NIBAN1: variants seen among roughly 807,000 people sequenced by gnomAD.
NIBAN1 encodes niban apoptosis regulator 1.
In NIBAN1, 81 loss-of-function variants were observed where a neutral mutation model predicts 75.1. That is an observed-to-expected ratio of 1.08 (90% CI 0.90 to 1.30). The LOEUF is 1.30. Ranked by LOEUF, NIBAN1 falls within the 50% of genes most tolerant of loss-of-function variation. The probability of loss-of-function intolerance (pLI) is 0.00; values close to 1 mark genes in which losing one functional copy is unlikely to be tolerated. For missense variants in NIBAN1, 1,133 were observed against 1,128.1 expected (o/e 1.00, Z -0.06); for synonymous variants, 436 against 424.8 (o/e 1.03, Z -0.32).
intron 6 of NIBAN1, among the ~76,000 whole-genome samples, chr1:184,824,819 C>G (rs769969614): frequency 6.6e-6 from 1 of 152,060 alleles, no homozygotes; most frequent in Non-Finnish European, 1.5e-5. Context: ...TAGAATGTCT[C>G]CGAAGCTGGA....
At chr1:184,868,580 A>G (rs1207426149) in intron 5 of NIBAN1, 1 of 152,234 alleles carries the variant, frequency 6.6e-6, no homozygotes, top group Non-Finnish European at 1.5e-5. Context: ...CAGAGAAAAG[A>G]CTTAACTTCT....
chr1:184,952,482 G>A (rs914059826), intron 1 of NIBAN1, among the ~76,000 whole-genome samples: 8 of 152,214 alleles, frequency 5.3e-5, no homozygotes, highest in Non-Finnish European at 1.2e-4. Context: ...TCCAGTCTTT[G>A]GGATTCCCCG....
At chr1:184,970,243 G>C (rs1658901934) in intron 1 of NIBAN1, among the ~76,000 whole-genome samples, 1 of 151,414 alleles carries the variant, frequency 6.6e-6, no homozygotes, top group African/African-American at 2.4e-5. Context: ...CTACCATAAT[G>C]CATTTCCTAA....
intron 1 of NIBAN1, among the ~76,000 whole-genome samples, chr1:184,916,305 TG>T (rs539763621): frequency 7.4e-4 from 112 of 152,296 alleles, no homozygotes; most frequent in African/African-American, 2.6e-3. Context: ...AAAAGAAAGT[TG>T]TAATAGGTAA....
intron 1 of NIBAN1, among the ~76,000 whole-genome samples, chr1:184,917,491 G>A (rs1314159210): frequency 6.6e-6 from 1 of 150,832 alleles, no homozygotes; most frequent in African/African-American, 2.4e-5. Flanking sequence ...TTACAGGCGT[G>A]AGCCACCCTG....
intron 1 of NIBAN1, among the ~76,000 whole-genome samples, chr1:184,900,029 T>C (rs1213083452): frequency 6.6e-6 from 1 of 152,082 alleles, no homozygotes; most frequent in East Asian, 1.9e-4. Context: ...TTGGTCAGGC[T>C]GGTCTCGAAC....
chr1:184,894,047 A>C, intron 3 of NIBAN1, 28 bp downstream of exon 3: 1 of 1,580,554 alleles, frequency 6.3e-7, no homozygotes, highest in South Asian at 1.2e-5. Context: ...ACAGTGTAAG[A>C]ATCAGTAGTA....
chr1:184,926,686 G>C (rs1375909323), intron 1 of NIBAN1, among the ~76,000 whole-genome samples: 1 of 152,062 alleles, frequency 6.6e-6, no homozygotes, highest in Non-Finnish European at 1.5e-5. Context: ...TAACCTTCTT[G>C]TACTTGAATA....
At position 184,791,201 on chromosome 1, in the gene NIBAN1, C is replaced by T. The variant is rs1047973; in HGVS notation, c.*3776G>A. ...AGAAGGCAAACCCTCAAACCCGTCT[C>T]TTTATGGTAAAGTGTGAAGGCACAT... is the stretch of plus-strand genomic sequence containing the variant. On this transcript the variant is annotated 3_prime_UTR_variant, in exon 14 of 14. Coordinates refer to ENST00000367511, the MANE Select transcript of NIBAN1 (RefSeq NM_052966.4). 1 of 362,934 alleles carries T rather than the reference C, an allele frequency of 2.8e-6. No individual in the cohort carries two copies. Among genetic ancestry groups the T allele is most frequent in the Admixed American group, 3.6e-5 (1 of 27,732 alleles). The allele number at this position is 362,934 out of a possible 1,614,324, so 22.5% of individuals were successfully genotyped here.
At position 184,798,240 on chromosome 1, in the gene NIBAN1, G is replaced by A. The variant is rs755296466; in HGVS notation, c.1555-50C>T. On this transcript the variant is annotated intron_variant, in intron 12 of 13. Coordinates refer to ENST00000367511, the MANE Select transcript of NIBAN1 (RefSeq NM_052966.4). ...AAAGATGAAAAGGCATGAGATGCCT[G>A]TTCTTAGAGGAGATACAGAAAGGAC... 20 of 1,134,536 alleles carry A rather than the reference G, an allele frequency of 1.8e-5. No homozygotes were observed. The Admixed American group carries it at 3.3e-4, about 19-fold the overall frequency. The allele number at this position is 1,134,536 out of a possible 1,614,324, so 70.3% of individuals were successfully genotyped here. A position where few individuals can be genotyped will look rare whatever the true frequency, so the allele number is the denominator to read the frequency against.
intron 1 of NIBAN1, among the ~76,000 whole-genome samples, chr1:184,934,267 T>C (rs1299569688): frequency 1.3e-5 from 2 of 151,968 alleles, no homozygotes; most frequent in Admixed American, 6.6e-5. Context: ...GAAGTAAACA[T>C]TGAGTACTCA....
In NIBAN1 at chr1:184,974,475, G is replaced by C; in HGVS notation, c.-119C>G. 7.4e-7 allele frequency: 1 copy of C among 1,347,384 alleles called. No homozygotes were observed. The highest frequency in any genetic ancestry group is 1.0e-6 in the Non-Finnish European group (1 of 998,560). 83.5% of individuals were successfully genotyped at this position (1,347,384 alleles called of 1,614,324 possible). ...AATTAAGAGCAAACTTCCTTCGAGA[G>C]GCGAGAGACAGGAGGCAAGAGGCGT... On this transcript the variant is annotated 5_prime_UTR_variant, in exon 1 of 14. Coordinates refer to ENST00000367511, the MANE Select transcript of NIBAN1 (RefSeq NM_052966.4).
At chr1:184,801,069 C>G (rs1654027560) in intron 12 of NIBAN1, among the ~76,000 whole-genome samples, 2 of 152,164 alleles carry the variant, frequency 1.3e-5, no homozygotes, top group African/African-American at 4.8e-5. Context: ...CCATGATTAA[C>G]TCAGTAATCC....
At chr1:184,816,711 G>T (rs1284497188) in intron 9 of NIBAN1, among the ~76,000 whole-genome samples, 1 of 152,028 alleles carries the variant, frequency 6.6e-6, no homozygotes, top group Non-Finnish European at 1.5e-5. Context: ...TCTCTACTCA[G>T]TCCTTATTCC....
At chr1:184,818,166 C>T (rs952868625) in intron 9 of NIBAN1, among the ~76,000 whole-genome samples, 2 of 151,648 alleles carry the variant, frequency 1.3e-5, no homozygotes, top group African/African-American at 4.9e-5. Context: ...TATCATAAGT[C>T]TATATTTTTG....
intron 9 of NIBAN1, among the ~76,000 whole-genome samples, chr1:184,815,292 A>G (rs1654495692): frequency 1.3e-5 from 2 of 152,184 alleles, no homozygotes; most frequent in African/African-American, 2.4e-5. Flanking sequence ...TTCATAATCT[A>G]GAACCTGAAG....
At chr1:184,934,899 T>A (rs958755243) in intron 1 of NIBAN1, among the ~76,000 whole-genome samples, 11 of 148,070 alleles carry the variant, frequency 7.4e-5, no homozygotes, top group Non-Finnish European at 1.0e-4. Context: ...TCTCAAAAAA[T>A]AAATAAATAA....
Position 184,828,021 on chromosome 1 carries a change from C to T in NIBAN1, c.717+3826G>A, listed in dbSNP as rs117848570. On this transcript the variant is annotated intron_variant, in intron 6 of 13. Coordinates refer to ENST00000367511, the MANE Select transcript of NIBAN1 (RefSeq NM_052966.4). ...TGGGAATTATGAGCTGTTCTCTAGCCCATCTTGGTATTTTAAAAGCAAATA... is the reference window on the plus strand; with the variant it reads ...TGGGAATTATGAGCTGTTCTCTAGCTCATCTTGGTATTTTAAAAGCAAATA... Among the ~76,000 whole-genome samples the T allele has an allele frequency of 2.0e-3, 304 of 150,224 alleles. 8 individuals carry two copies. The East Asian group carries it at 0.055, about 27-fold the overall frequency.
In NIBAN1 at chr1:184,823,713, G is replaced by A; in HGVS notation, c.747C>T (p.Leu249=). 1 of 1,614,098 alleles carries A rather than the reference G, an allele frequency of 6.2e-7. No individual in the cohort carries two copies. The highest frequency in any genetic ancestry group is 8.5e-7 in the Non-Finnish European group (1 of 1,179,982). The change falls in exon 7 of 14, where the codon CTC becomes CTT. Residue 249 remains leucine (L), a synonymous_variant. Transcript: ENST00000367511. ...QILSNLVMEE[L]LPTLQTDLLP... ...GCAGGTCTGTCTGAAGAGTGGGCAG[G>A]AGCTCCTCCATCACCAGGTTACTCA...
Sources: gnomAD v4.1 joint callset for allele counts (sites outside exome capture counted in the v4.1 genomes callset) on GRCh38, gnomAD v4.1.1 for gene constraint, MANE v1.5 for transcripts, NCBI Gene and HGNC (gene_info 2026-07-23, HGNC 2026-07-21) for gene names.